EGFLAM: variants seen among roughly 807,000 people sequenced by gnomAD.
EGFLAM encodes the protein pikachurin.
In EGFLAM, 79 loss-of-function variants were observed where a neutral mutation model predicts 113.1. The observed-to-expected ratio is 0.70, with a 90% CI of 0.58 to 0.84. The LOEUF (loss-of-function observed/expected upper bound fraction) is 0.84, where lower values mean the gene tolerates loss of function less well. Ranked by LOEUF, EGFLAM falls within the 40% of genes least tolerant of loss-of-function variation. The pLI, the probability that EGFLAM is intolerant of heterozygous loss-of-function variation, is 0.00. For missense variants in EGFLAM, 1,265 were observed against 1,291.6 expected, an observed-to-expected ratio of 0.98 and a Z score of 0.32; for synonymous variants, 504 against 487.6, an observed-to-expected ratio of 1.03 and a Z score of -0.44.
intron 5 of EGFLAM, among the ~76,000 whole-genome samples, chr5:38,368,315 T>C (rs919340964): frequency 2.6e-5 from 4 of 152,180 alleles, no homozygotes; most frequent in African/African-American, 7.2e-5. Context: ...AATTCCATCT[T>C]TGGGAAAAGA....
chr5:38,455,303 A>C (rs1367934846), intron 19 of EGFLAM, among the ~76,000 whole-genome samples: 5 of 152,212 alleles, frequency 3.3e-5, no homozygotes. Flanking sequence ...GTGCACACCA[A>C]GCTGAGTGGC....
chr5:38,363,510 T>C (rs1410875522), intron 5 of EGFLAM, among the ~76,000 whole-genome samples: 1 of 152,214 alleles, frequency 6.6e-6, no homozygotes, highest in Non-Finnish European at 1.5e-5. Flanking sequence ...CTGTCAACAT[T>C]AGAATCACAA....
At chr5:38,351,105 ACTT>A (rs1739610482) in intron 4 of EGFLAM, among the ~76,000 whole-genome samples, 1 of 148,126 alleles carries the variant, frequency 6.8e-6, no homozygotes. Flanking sequence ...TGACAGCAGC[ACTT>A]CTTTTTTTTT....
chr5:38,446,810 A>T (rs1742728323), intron 17 of EGFLAM, among the ~76,000 whole-genome samples: 1 of 152,004 alleles, frequency 6.6e-6, no homozygotes, highest in African/African-American at 2.4e-5. Flanking sequence ...AGGGACTTGT[A>T]CTTGGGGGCC....
At chr5:38,297,328 G>A (rs988563905) in intron 1 of EGFLAM, among the ~76,000 whole-genome samples, 1 of 152,174 alleles carries the variant, frequency 6.6e-6, no homozygotes, top group African/African-American at 2.4e-5. Context: ...AGATAATGGT[G>A]TAGTTAAATT....
At chr5:38,417,480 G>A in intron 11 of EGFLAM, among the ~76,000 whole-genome samples, 1 of 151,508 alleles carries the variant, frequency 6.6e-6, no homozygotes, top group Middle Eastern at 3.2e-3. Flanking sequence ...AAGATGGGAA[G>A]TTTCCCTACC....
chr5:38,397,079 G>A (rs1420572507), intron 6 of EGFLAM, among the ~76,000 whole-genome samples: 3 of 152,246 alleles, frequency 2.0e-5, no homozygotes, highest in African/African-American at 4.8e-5. Flanking sequence ...AAGCTTTGAG[G>A]TGAGGCCTCT....
At chr5:38,283,037 T>A (rs1190021543) in intron 1 of EGFLAM, among the ~76,000 whole-genome samples, 6 of 152,168 alleles carry the variant, frequency 3.9e-5, no homozygotes, top group Admixed American at 3.9e-4. Flanking sequence ...GAATTTTTAG[T>A]AGAGACGAGG....
chr5:38,376,931 A>C (rs1232263494), intron 6 of EGFLAM, among the ~76,000 whole-genome samples: 1 of 152,018 alleles, frequency 6.6e-6, no homozygotes, highest in Non-Finnish European at 1.5e-5. Flanking sequence ...TTGGCTCCCA[A>C]AGTGCTGGGA....
intron 1 of EGFLAM, chr5:38,291,114 A>G (rs1388377436): frequency 6.6e-6 from 1 of 152,162 alleles, no homozygotes; most frequent in Admixed American, 6.5e-5. Context: ...TGCAGGGGTC[A>G]GTTATGCTCC....
rs905624310 is a variant in EGFLAM, at chr5:38,451,262, G to A, written c.2544-53G>A. The A allele has an allele frequency of 1.6e-5, 25 of 1,589,620 alleles. No individual in the cohort carries two copies. In the East Asian group the frequency reaches 1.6e-4, roughly 10 times the overall value. On this transcript the variant is annotated intron_variant, in intron 18 of 21. Coordinates refer to ENST00000322350, the MANE Select transcript of EGFLAM (RefSeq NM_152403.4). The stretch of plus-strand genomic sequence containing the variant: ...CTGGCAGACAAAACTGGAATTACTC[G>A]GAAACAGATGTTGGTGGTTGATTTG...
chr5:38,338,323 C>T (rs909035137), intron 2 of EGFLAM, among the ~76,000 whole-genome samples: 2 of 152,170 alleles, frequency 1.3e-5, no homozygotes, highest in East Asian at 1.9e-4. Context: ...GGACAGTAGC[C>T]GTTGATCATG....
chr5:38,391,354 C>T (rs1740804194), intron 6 of EGFLAM, among the ~76,000 whole-genome samples: 2 of 150,896 alleles, frequency 1.3e-5, no homozygotes, highest in South Asian at 4.2e-4. Flanking sequence ...ACTTTAATAC[C>T]ACAGTGTTTT....
chr5:38,337,234 G>A (rs913080798), intron 1 of EGFLAM, among the ~76,000 whole-genome samples: 1 of 152,104 alleles, frequency 6.6e-6, no homozygotes, highest in Admixed American at 6.6e-5. Flanking sequence ...TGTGGTCTAT[G>A]CTACCCTGAA....
chr5:38,289,725 G>A (rs1758264382), intron 1 of EGFLAM, among the ~76,000 whole-genome samples: 1 of 152,178 alleles, frequency 6.6e-6, no homozygotes, highest in Non-Finnish European at 1.5e-5. Context: ...ATCCTACACT[G>A]AAGGCAAGAA....
chr5:38,441,645 G>C (rs1185151393), intron 17 of EGFLAM, among the ~76,000 whole-genome samples: 1 of 148,796 alleles, frequency 6.7e-6, no homozygotes, highest in Non-Finnish European at 1.5e-5. Flanking sequence ...CACGAAATGG[G>C]AGGAGGCTTC....
At chr5:38,272,577 A>G (rs1240215613) in intron 1 of EGFLAM, among the ~76,000 whole-genome samples, 1 of 152,200 alleles carries the variant, frequency 6.6e-6, no homozygotes, top group Admixed American at 6.5e-5. Flanking sequence ...GCTTATGAAG[A>G]TCAATTCTGT....
chr5:38,448,012 A>G (rs1742772388), intron 17 of EGFLAM, among the ~76,000 whole-genome samples: 1 of 152,134 alleles, frequency 6.6e-6, no homozygotes, highest in Non-Finnish European at 1.5e-5. Context: ...TCCAAGAATA[A>G]TTGGGAACAG....
At position 38,376,349 on chromosome 5, in the gene EGFLAM, T is replaced by C. The variant is rs77953607; in HGVS notation, c.712+5887T>C. On this transcript the variant is annotated intron_variant, in intron 6 of 21. Coordinates refer to ENST00000322350, the MANE Select transcript of EGFLAM (RefSeq NM_152403.4). ...GGAATTTAATTAAAAATAAGTTACA[T>C]GTGTAATCAACTCTAGGGTTATATA... is the stretch of plus-strand genomic sequence containing the variant. Among the ~76,000 whole-genome samples, 1,368 of 152,342 alleles carry C rather than the reference T, an allele frequency of 9.0e-3. 29 individuals carry two copies. Among genetic ancestry groups the C allele is most frequent in the African/African-American group, 0.032 (1,326 of 41,578 alleles).
Sources: gnomAD v4.1 joint callset for allele counts (sites outside exome capture counted in the v4.1 genomes callset) on GRCh38, gnomAD v4.1.1 for gene constraint, MANE v1.5 for transcripts, NCBI Gene and HGNC (gene_info 2026-07-23, HGNC 2026-07-21) for gene names.